Variants in TEF observed in about 807,000 individuals in gnomAD.
TEF encodes TEF transcription factor, PAR bZIP family member.
A neutral mutation model predicts 20.8 loss-of-function variants in TEF; 3 were observed. That is an observed-to-expected ratio of 0.14 (90% CI 0.07 to 0.37). The LOEUF is 0.37. Among genes scored for constraint, TEF ranks in the 10% least tolerant of loss-of-function variants. TEF has a pLI of 1.00. For synonymous variants in TEF, 180 were observed against 171.1 expected, an observed-to-expected ratio of 1.05 and a Z score of -0.41; for missense variants, 296 against 397.9, an observed-to-expected ratio of 0.74 and a Z score of 2.18.
chr22:41,383,503 A>T (rs997932825), intron 1 of TEF, among the ~76,000 whole-genome samples: 1 of 152,158 alleles, frequency 6.6e-6, no homozygotes, highest in African/African-American at 2.4e-5. Flanking sequence ...ACATCATCTT[A>T]TTTCATTAAC....
At chr22:41,373,099 G>A (rs986505139) in intron 1 of TEF, among the ~76,000 whole-genome samples, 2 of 152,172 alleles carry the variant, frequency 1.3e-5, no homozygotes, top group East Asian at 3.8e-4. Context: ...TATTCTTGGG[G>A]AAGTGGCTGG....
chr22:41,386,554 A>G (rs1251259281), intron 1 of TEF, among the ~76,000 whole-genome samples: 1 of 152,128 alleles, frequency 6.6e-6, no homozygotes, highest in Non-Finnish European at 1.5e-5. Flanking sequence ...CAGTCTGGCC[A>G]ACATGGTGAA....
chr22:41,379,635 C>A (rs1235088566), upstream of TEF, among the ~76,000 whole-genome samples: 2 of 152,276 alleles, frequency 1.3e-5, no homozygotes, highest in East Asian at 1.9e-4. Context: ...GATGCCGAGG[C>A]GGGTGGATCA....
At chr22:41,385,325 A>G (rs921815218) in intron 1 of TEF, among the ~76,000 whole-genome samples, 5 of 151,954 alleles carry the variant, frequency 3.3e-5, no homozygotes, top group Admixed American at 6.6e-5. Context: ...GCGCCATTGC[A>G]CTCCAGTCTG....
In TEF at chr22:41,384,695, C is replaced by T. The variant is rs935680346; in HGVS notation, c.157+2494C>T. 1.3e-5 allele frequency among the ~76,000 whole-genome samples: 2 copies of T among 152,188 alleles called. 1 individual carries two copies. The highest frequency in any genetic ancestry group is 4.1e-4 in the South Asian group (2 of 4,834). Reference sequence around the variant, plus strand: ...AGATCTGGAAATAAATCAGTTCATACTTTCAGTGAGCCCACAGTAACAATG... The same window carrying T: ...AGATCTGGAAATAAATCAGTTCATATTTTCAGTGAGCCCACAGTAACAATG... On this transcript the variant is annotated intron_variant, in intron 1 of 3. Coordinates refer to ENST00000266304, the MANE Select transcript of TEF (RefSeq NM_003216.4).
At chr22:41,375,349 A>G (rs1317563195) in intron 1 of TEF, among the ~76,000 whole-genome samples, 1 of 152,204 alleles carries the variant, frequency 6.6e-6, no homozygotes, top group Non-Finnish European at 1.5e-5. Context: ...TAAAAAGGAG[A>G]GCTGCTGGCA....
chr22:41,387,936 C>A (rs1379025828), intron 2 of TEF, among the ~76,000 whole-genome samples: 1 of 148,456 alleles, frequency 6.7e-6, no homozygotes, highest in Non-Finnish European at 1.5e-5. Context: ...TTCCAGGCCA[C>A]GGCATTACAG....
chr22:41,385,043 C>G (rs1477624021), intron 1 of TEF, among the ~76,000 whole-genome samples: 1 of 152,182 alleles, frequency 6.6e-6, no homozygotes, highest in Non-Finnish European at 1.5e-5. Flanking sequence ...CGTGATCCCA[C>G]TGCGCATGGC....
At position 41,382,019 on chromosome 22, in the gene TEF, G is replaced by C; in HGVS notation, c.-26G>C. On this transcript the variant is annotated 5_prime_UTR_variant, in exon 1 of 4. Coordinates refer to ENST00000266304, the MANE Select transcript of TEF (RefSeq NM_003216.4). ...CTCGGGGGGCGGGCGGGGGAGGCGAGGTGCGCGAGCCGAGTCCGGGGCACG... is the reference window on the plus strand; with the variant it reads ...CTCGGGGGGCGGGCGGGGGAGGCGACGTGCGCGAGCCGAGTCCGGGGCACG... 3 of 1,229,724 alleles carry C rather than the reference G, an allele frequency of 2.4e-6. No homozygotes were observed. The allele number at this position is 1,229,724 out of a possible 1,614,324, so 76.2% of individuals were successfully genotyped here.
intron 1 of TEF, among the ~76,000 whole-genome samples, chr22:41,374,901 C>A (rs1601812100): frequency 6.6e-6 from 1 of 151,908 alleles, no homozygotes; most frequent in Non-Finnish European, 1.5e-5. Flanking sequence ...GAGAGGCAGG[C>A]AAATTTAGTG....
At chr22:41,392,566 TG>T (rs2037179833) in intron 2 of TEF, among the ~76,000 whole-genome samples, 1 of 143,376 alleles carries the variant, frequency 7.0e-6, no homozygotes, top group East Asian at 2.1e-4. Context: ...CCCAGCTACT[TG>T]GGAGGCTGAG....
intron 1 of TEF, among the ~76,000 whole-genome samples, chr22:41,386,259 T>C (rs2037095999): frequency 6.6e-6 from 1 of 152,052 alleles, no homozygotes; most frequent in South Asian, 2.1e-4. Flanking sequence ...GCCAACATGT[T>C]GAAACCCCAG....
At chr22:41,381,670 C>G (rs977490517), upstream of TEF, among the ~76,000 whole-genome samples, 1 of 152,148 alleles carries the variant, frequency 6.6e-6, no homozygotes, top group East Asian at 1.9e-4. Flanking sequence ...AGGCCCACCA[C>G]AAAGACTCCA....
rs1381687819 is a variant in TEF, at chr22:41,396,428, C to T, written c.*468C>T. On this transcript the variant is annotated 3_prime_UTR_variant, in exon 4 of 4. Transcript: ENST00000266304. The stretch of plus-strand genomic sequence containing the variant: ...TGTGTCTGTCACGCACCTCATTCTC[C>T]CCAGACAGTCTTTGAGTAACATCTG... 1 of 168,340 alleles carries T rather than the reference C, an allele frequency of 5.9e-6. No individual in the cohort carries two copies. The highest frequency in any genetic ancestry group is 1.3e-5 in the Non-Finnish European group (1 of 77,984). The allele number at this position is 168,340 out of a possible 1,614,324, so 10.4% of individuals were successfully genotyped here. A position where few individuals can be genotyped will look rare whatever the true frequency, so the allele number is the denominator to read the frequency against.
intron 2 of TEF, 147 bp from the exon 3 acceptor site, chr22:41,393,949 T>G (rs2037196923): frequency 1.6e-6 from 1 of 629,438 alleles, no homozygotes; most frequent in Non-Finnish European, 2.8e-6. Flanking sequence ...CCAGTCTGGC[T>G]TAGGGGCTGG....
At chr22:41,382,335 C>G (rs1394087732) in intron 1 of TEF, 134 bp downstream of exon 1, 114 of 820,370 alleles carry the variant, frequency 1.4e-4, no homozygotes, top group Non-Finnish European at 1.8e-4. Context: ...CCTGGATGAC[C>G]AGGAGCCTGG....
chr22:41,399,168 T>C lies in TEF; in HGVS notation c.*3208T>C, dbSNP rs1425446758. 6.6e-6 allele frequency: 1 copy of C among 152,636 alleles called. No homozygotes were observed. The highest frequency in any genetic ancestry group is 2.4e-5 in the African/African-American group (1 of 41,426). 9.5% of individuals were successfully genotyped at this position (152,636 alleles called of 1,614,324 possible). ...GGAAGGAGGCAAGAGAGAAATTCCTTCTTCCCAGCCAGAGAGGGCAGAAGC... is the reference window on the plus strand; with the variant it reads ...GGAAGGAGGCAAGAGAGAAATTCCTCCTTCCCAGCCAGAGAGGGCAGAAGC... On this transcript the variant is annotated 3_prime_UTR_variant, in exon 4 of 4. Coordinates refer to ENST00000266304, the MANE Select transcript of TEF (RefSeq NM_003216.4).
At chr22:41,387,139 A>G (rs912117213) in intron 1 of TEF, among the ~76,000 whole-genome samples, 1 of 152,218 alleles carries the variant, frequency 6.6e-6, no homozygotes, top group African/African-American at 2.4e-5. Context: ...AAGGCCAGGC[A>G]TGGATGAGGA....
At chr22:41,393,619 T>TGGTGGCGGGCACCTGC (rs1405190698) in intron 2 of TEF, among the ~76,000 whole-genome samples, 8 of 151,374 alleles carry the variant, frequency 5.3e-5, no homozygotes, top group Non-Finnish European at 1.2e-4. Context: ...TAGCCAGGCT[T>TGGTGGCGGGCACCTGC]GGTGGCGGGC....
Sources: gnomAD v4.1 joint callset for allele counts (sites outside exome capture counted in the v4.1 genomes callset) on GRCh38, gnomAD v4.1.1 for gene constraint, MANE v1.5 for transcripts, NCBI Gene and HGNC (gene_info 2026-07-23, HGNC 2026-07-21) for gene names.